GPD1L: variants seen among roughly 807,000 people sequenced by gnomAD.
GPD1L encodes glycerol-3-phosphate dehydrogenase 1-like protein.
In GPD1L, 17 loss-of-function variants were observed where a neutral mutation model predicts 32.9. The observed-to-expected ratio is 0.52, with a 90% CI of 0.35 to 0.78. The LOEUF is 0.78. GPD1L is among the 30% of genes least tolerant of loss of function. The pLI, the probability that GPD1L is intolerant of heterozygous loss-of-function variation, is 0.01. For missense variants in GPD1L, 361 were observed against 447.8 expected (o/e 0.81, Z 1.75); for synonymous variants, 187 against 165.9 (o/e 1.13, Z -0.98).
intron 4 of GPD1L, among the ~76,000 whole-genome samples, chr3:32,144,828 C>T (rs1194914257): frequency 1.3e-5 from 2 of 150,412 alleles, no homozygotes; most frequent in Non-Finnish European, 3.0e-5. Flanking sequence ...TGGGAACACA[C>T]ACACACACAC....
chr3:32,138,458 C>T (rs1330176706), intron 2 of GPD1L, 129 bp from the exon 3 acceptor site: 3 of 905,908 alleles, frequency 3.3e-6, no homozygotes, highest in Non-Finnish European at 5.5e-6. Flanking sequence ...ACACACTTGC[C>T]TTCCTTGTCT....
intron 4 of GPD1L, among the ~76,000 whole-genome samples, chr3:32,144,886 T>TAG (rs1700797712): frequency 6.6e-6 from 1 of 151,792 alleles, no homozygotes. Context: ...GAATTTTTTG[T>TAG]AGAGATGGGA....
intron 6 of GPD1L, 63 bp from the exon 7 acceptor site, chr3:32,159,505 C>T: frequency 1.1e-6 from 1 of 882,384 alleles, no homozygotes; most frequent in Non-Finnish European, 1.8e-6. Flanking sequence ...AAAAATTAAA[C>T]AAATAAATGA....
chr3:32,142,990 A>T (rs947156887), intron 4 of GPD1L, among the ~76,000 whole-genome samples: 7 of 152,112 alleles, frequency 4.6e-5, no homozygotes, highest in African/African-American at 1.7e-4. Context: ...CACCCTGGGA[A>T]ATGTAGCTGG....
chr3:32,108,421 C>T (rs1047441768), intron 1 of GPD1L, among the ~76,000 whole-genome samples: 4 of 152,144 alleles, frequency 2.6e-5, no homozygotes, highest in South Asian at 2.1e-4. Flanking sequence ...GCAGCAGAAT[C>T]GCCTGAGCCT....
intron 4 of GPD1L, among the ~76,000 whole-genome samples, chr3:32,141,394 A>G (rs572698303): frequency 6.6e-6 from 1 of 152,184 alleles, no homozygotes; most frequent in South Asian, 2.1e-4. Flanking sequence ...CTTTTTTACT[A>G]TTTGTATGAA....
At chr3:32,112,112 G>A in intron 1 of GPD1L, among the ~76,000 whole-genome samples, 1 of 152,138 alleles carries the variant, frequency 6.6e-6, no homozygotes, top group South Asian at 2.1e-4. Flanking sequence ...AGATGAGAAA[G>A]TTTGTACGGC....
chr3:32,150,433 C>T (rs1238648619), intron 5 of GPD1L, among the ~76,000 whole-genome samples: 4 of 151,836 alleles, frequency 2.6e-5, no homozygotes, highest in Non-Finnish European at 5.9e-5. Context: ...TGCACCACAG[C>T]GCCTGATTTA....
At chr3:32,148,261 A>T (rs1416984936) in intron 5 of GPD1L, among the ~76,000 whole-genome samples, 1 of 152,128 alleles carries the variant, frequency 6.6e-6, no homozygotes, top group Non-Finnish European at 1.5e-5. Context: ...GCTGGGTGAG[A>T]AGAAGGAGTC....
chr3:32,123,405 C>A (rs1700454014), intron 1 of GPD1L, among the ~76,000 whole-genome samples: 1 of 152,154 alleles, frequency 6.6e-6, no homozygotes, highest in Non-Finnish European at 1.5e-5. Flanking sequence ...GAGATGGTAA[C>A]CACTTAATGG....
At chr3:32,133,144 A>T (rs958843123) in intron 2 of GPD1L, among the ~76,000 whole-genome samples, 20 of 152,194 alleles carry the variant, frequency 1.3e-4, no homozygotes, top group African/African-American at 4.8e-4. Context: ...GCTGACTGGC[A>T]TTAGAGCCCG....
chr3:32,163,093 A>AGT (rs1186509948), intron 7 of GPD1L, among the ~76,000 whole-genome samples: 1 of 148,654 alleles, frequency 6.7e-6, no homozygotes, highest in African/African-American at 2.5e-5. Context: ...CCCTGCACTT[A>AGT]GTCTGAAGTC....
intron 4 of GPD1L, among the ~76,000 whole-genome samples, chr3:32,143,226 AAAGT>A (rs1036278453): frequency 1.3e-5 from 2 of 152,128 alleles, no homozygotes; most frequent in African/African-American, 4.8e-5. Context: ...TAAAACATTG[AAAGT>A]AAGATAGAAT....
intron 5 of GPD1L, among the ~76,000 whole-genome samples, chr3:32,152,450 G>A (rs1044519746): frequency 1.1e-4 from 17 of 151,936 alleles, no homozygotes; most frequent in East Asian, 1.9e-4. Flanking sequence ...ATCCAGTATC[G>A]GGCACCAGCA....
rs146888607 is a variant in GPD1L, at chr3:32,155,041, C to T, written c.619-3835C>T. On this transcript the variant is annotated intron_variant, in intron 5 of 7. Transcript: ENST00000282541. ...TAGGATTATGCCCAACCTAAGCTAC[C>T]GTTTTTACCTCCCAAGCCTTGGTGT... Among the ~76,000 whole-genome samples the T allele has an allele frequency of 4.3e-4, 65 of 152,290 alleles. 1 individual carries two copies. The East Asian group carries it at 9.9e-3, about 23-fold the overall frequency.
chr3:32,116,497 T>C (rs2125470797), intron 1 of GPD1L, among the ~76,000 whole-genome samples: 1 of 152,226 alleles, frequency 6.6e-6, no homozygotes, highest in East Asian at 1.9e-4. Context: ...GCACTGACTC[T>C]AGTTGATTAA....
chr3:32,120,976 C>T (rs908293512), intron 1 of GPD1L, among the ~76,000 whole-genome samples: 9 of 151,992 alleles, frequency 5.9e-5, no homozygotes, highest in Non-Finnish European at 1.5e-5. Flanking sequence ...GGGTTAGGAC[C>T]TCCTGCAGGC....
intron 6 of GPD1L, 86 bp from the exon 7 acceptor site, chr3:32,159,482 A>T: frequency 2.3e-6 from 2 of 865,368 alleles, no homozygotes; most frequent in African/African-American, 3.1e-5. Flanking sequence ...AAAAAAAAAG[A>T]AAAAAAACAC....
At chr3:32,108,281 A>G (rs754503784) in intron 1 of GPD1L, among the ~76,000 whole-genome samples, 36 of 152,128 alleles carry the variant, frequency 2.4e-4, no homozygotes, top group Non-Finnish European at 4.6e-4. Flanking sequence ...GCACTTTGGG[A>G]GGCTGAGGCA....
Sources: allele counts gnomAD v4.1 joint callset (sites outside exome capture counted in the v4.1 genomes callset), GRCh38; gene constraint gnomAD v4.1.1; transcripts MANE v1.5; gene names NCBI Gene and HGNC (gene_info 2026-07-23, HGNC 2026-07-21).